The following SNX29 variants were observed in gnomAD, a reference collection of about 807,000 sequenced individuals.
The protein encoded by SNX29 is sorting nexin 29.
SNX29 carries 78 observed loss-of-function variants against 102.1 expected under a neutral mutation model. The observed-to-expected ratio is 0.76, with a 90% CI of 0.64 to 0.92. The LOEUF is 0.92. SNX29 is among the 40% of genes least tolerant of loss of function. The pLI, the probability that SNX29 is intolerant of heterozygous loss-of-function variation, is 0.00. For missense variants in SNX29, 1,280 were observed against 1,061.7 expected, an observed-to-expected ratio of 1.21 and a Z score of -2.86; for synonymous variants, 580 against 414.5, an observed-to-expected ratio of 1.40 and a Z score of -4.85.
intron 4 of SNX29, among the ~76,000 whole-genome samples, chr16:12,031,901 A>T (rs1368131085): frequency 1.3e-5 from 2 of 152,208 alleles, no homozygotes; most frequent in Non-Finnish European, 2.9e-5. Flanking sequence ...ATTCAGTGTA[A>T]GTGTACTTAA....
chr16:12,082,519 C>G (rs56259883), intron 11 of SNX29, among the ~76,000 whole-genome samples: 33,249 of 152,136 alleles, frequency 0.22, 4,110 homozygotes, highest in African/African-American at 0.34. Context: ...TCGAGTTAGG[C>G]CAGTGACAGA....
intron 20 of SNX29, 80 bp downstream of exon 20, chr16:12,524,921 C>T: frequency 5.1e-6 from 8 of 1,561,998 alleles, no homozygotes; most frequent in Non-Finnish European, 7.0e-6. Context: ...TCAGGGAGCA[C>T]AGCGGCTCTC....
chr16:12,420,640 A>G (rs1415058672), intron 18 of SNX29, among the ~76,000 whole-genome samples: 1 of 152,342 alleles, frequency 6.6e-6, no homozygotes, highest in South Asian at 2.1e-4. Flanking sequence ...ACAAGGAGAT[A>G]ATCATAGCAC....
chr16:12,342,615 A>C (rs2081642381), intron 15 of SNX29, among the ~76,000 whole-genome samples: 1 of 152,214 alleles, frequency 6.6e-6, no homozygotes, highest in South Asian at 2.1e-4. Context: ...GTCTTTTACG[A>C]AGCTTGAGTT....
At chr16:12,353,967 G>T (rs926800979) in intron 15 of SNX29, among the ~76,000 whole-genome samples, 3 of 152,112 alleles carry the variant, frequency 2.0e-5, no homozygotes, top group Admixed American at 6.6e-5. Flanking sequence ...AAAATAAGAA[G>T]GTCAGATGAG....
At chr16:12,029,534 G>A in intron 4 of SNX29, 1 of 453,778 alleles carries the variant, frequency 2.2e-6, no homozygotes, top group Non-Finnish European at 4.4e-6. Context: ...TGGGAAAGGA[G>A]AAAGAACCAC....
Position 12,570,372 on chromosome 16 carries a change from G to A in SNX29, c.*1743G>A. 4.4e-6 allele frequency: 2 copies of A among 454,958 alleles called. No individual in the cohort carries two copies. Among genetic ancestry groups the A allele is most frequent in the Non-Finnish European group, 6.2e-6 (2 of 320,668 alleles). The allele number at this position is 454,958 out of a possible 1,614,324, so 28.2% of individuals were successfully genotyped here. The stretch of plus-strand genomic sequence containing the variant: ...TGCCAACATTGCTGCAATACACATG[G>A]TTTATCTGAAATTCCAAGGCCAGAG... On this transcript the variant is annotated 3_prime_UTR_variant, in exon 21 of 21. Transcript: ENST00000566228.
chr16:12,268,662 C>T (rs1433404666), intron 14 of SNX29, among the ~76,000 whole-genome samples: 1 of 152,174 alleles, frequency 6.6e-6, no homozygotes, highest in Non-Finnish European at 1.5e-5. Flanking sequence ...CCTGGGCATA[C>T]CTCATTTTAT....
At chr16:12,208,142 C>T (rs1049953941) in intron 14 of SNX29, among the ~76,000 whole-genome samples, 3 of 152,172 alleles carry the variant, frequency 2.0e-5, no homozygotes, top group African/African-American at 7.2e-5. Context: ...CCTTTCTGCC[C>T]GAAGTGACCA....
At chr16:12,427,606 A>C (rs1261373387) in intron 18 of SNX29, among the ~76,000 whole-genome samples, 1 of 152,236 alleles carries the variant, frequency 6.6e-6, no homozygotes, top group Non-Finnish European at 1.5e-5. Flanking sequence ...TAATCAAACA[A>C]CAGTGACCCA....
chr16:12,245,925 C>G (rs1460850812), intron 14 of SNX29, among the ~76,000 whole-genome samples: 1 of 152,192 alleles, frequency 6.6e-6, no homozygotes, highest in African/African-American at 2.4e-5. Context: ...GGGAGAGTAA[C>G]TTGCTTAAGC....
intron 3 of SNX29, among the ~76,000 whole-genome samples, chr16:12,005,078 A>C (rs549932318): frequency 3.2e-4 from 48 of 152,356 alleles, no homozygotes; most frequent in Non-Finnish European, 1.9e-4. Flanking sequence ...GAAGCCTGTA[A>C]GATTTGAAGG....
rs775810034 is a variant in SNX29, at chr16:12,573,427, T to G, written c.*4798T>G. 4.5e-5 allele frequency: 10 copies of G among 223,764 alleles called. No homozygotes were observed. The highest frequency in any genetic ancestry group is 6.2e-5 in the Non-Finnish European group (7 of 112,252). 13.9% of individuals were successfully genotyped at this position (223,764 alleles called of 1,614,324 possible). A position where few individuals can be genotyped will look rare whatever the true frequency, so the allele number is the denominator to read the frequency against. On this transcript the variant is annotated 3_prime_UTR_variant, in exon 21 of 21. Transcript: ENST00000566228. The stretch of plus-strand genomic sequence containing the variant: ...AGAGAAGTGAAAAAGAAATCTGGCT[T>G]CCTTAATAAGATAGTTGAGCCTATG...
At chr16:12,523,465 GC>G (rs2090175877) in intron 19 of SNX29, among the ~76,000 whole-genome samples, 1 of 152,332 alleles carries the variant, frequency 6.6e-6, no homozygotes, top group South Asian at 2.1e-4. Flanking sequence ...CCTTGTCCCG[GC>G]CCCGATGCTC....
Position 12,007,835 on chromosome 16 carries a change from C to T in SNX29, c.122+4792C>T, listed in dbSNP as rs148377307. On this transcript the variant is annotated intron_variant, in intron 3 of 20. Transcript: ENST00000566228. Reference sequence around the variant, plus strand: ...ACCTCCCAGCTGCCTTGTCTTTGCTCTTGGGAGAAAGACCCACGTCCTTAA... The same window carrying T: ...ACCTCCCAGCTGCCTTGTCTTTGCTTTTGGGAGAAAGACCCACGTCCTTAA... 4.7e-3 allele frequency among the ~76,000 whole-genome samples: 720 copies of T among 152,364 alleles called. 4 individuals carry two copies. The highest frequency in any genetic ancestry group is 0.016 in the African/African-American group (674 of 41,592).
intron 18 of SNX29, among the ~76,000 whole-genome samples, chr16:12,407,803 T>C (rs758477547): frequency 6.6e-6 from 1 of 152,192 alleles, no homozygotes; most frequent in Non-Finnish European, 1.5e-5. Flanking sequence ...GAAGGAGGGC[T>C]GAATCAAGCT....
At chr16:12,109,366 G>C (rs1016008486) in intron 11 of SNX29, among the ~76,000 whole-genome samples, 1 of 151,884 alleles carries the variant, frequency 6.6e-6, no homozygotes, top group African/African-American at 2.4e-5. Context: ...CACTCCCGTG[G>C]TACCCCATGC....
chr16:12,434,831 C>G (rs571802314), intron 18 of SNX29, among the ~76,000 whole-genome samples: 30 of 152,288 alleles, frequency 2.0e-4, no homozygotes, highest in African/African-American at 6.7e-4. Flanking sequence ...GGCCTGACAT[C>G]TAGCATGGGA....
intron 16 of SNX29, among the ~76,000 whole-genome samples, chr16:12,387,240 G>A (rs1291468039): frequency 6.6e-6 from 1 of 152,148 alleles, no homozygotes; most frequent in Non-Finnish European, 1.5e-5. Context: ...AGGGAAGCAG[G>A]ACTGCGGCAG....
Sources: allele counts gnomAD v4.1 joint callset (sites outside exome capture counted in the v4.1 genomes callset), GRCh38; gene constraint gnomAD v4.1.1; transcripts MANE v1.5; gene names NCBI Gene and HGNC (gene_info 2026-07-23, HGNC 2026-07-21).